LRATD1: variants seen among roughly 807,000 people sequenced by gnomAD.
LRATD1 encodes LRAT domain containing 1.
A neutral mutation model predicts 21.3 loss-of-function variants in LRATD1; 8 were observed. The ratio of observed to expected loss-of-function variants is 0.38; its 90% CI spans 0.22 to 0.68. The LOEUF (loss-of-function observed/expected upper bound fraction) is 0.68. LRATD1 is among the 30% of genes least tolerant of loss of function. The pLI, the probability that LRATD1 is intolerant of heterozygous loss-of-function variation, is 0.54. For missense variants in LRATD1, 380 were observed against 404.0 expected (o/e 0.94, Z 0.51); for synonymous variants, 210 against 186.2 (o/e 1.13, Z -1.04).
At chr2:14,649,536 T>C in intron 5 of LRATD1, 1 of 370,950 alleles carries the variant, frequency 2.7e-6, no homozygotes, top group Non-Finnish European at 5.4e-6. Flanking sequence ...CTCTTGCGTG[T>C]AGCCTATATC....
chr2:14,642,652 C>T (rs963587704), downstream of LRATD1, among the ~76,000 whole-genome samples: 6 of 11,492 alleles, frequency 5.2e-4, no homozygotes, highest in Admixed American at 1.1e-3. Context: ...TGTATGGGGT[C>T]GGGGGGTGGG....
intron 4 of LRATD1, chr2:14,649,310 T>C (rs1047860945): frequency 6.6e-6 from 3 of 456,614 alleles, no homozygotes; most frequent in Non-Finnish European, 1.3e-5. Context: ...TTCTTGTGCC[T>C]AGCAGAATTT....
chr2:14,642,442 C>A (rs1671822935), downstream of LRATD1, among the ~76,000 whole-genome samples: 1 of 152,058 alleles, frequency 6.6e-6, no homozygotes, highest in Admixed American at 6.6e-5. Context: ...TTCAAAGGCA[C>A]CTGAGGTTTG....
chr2:14,641,499 A>T (rs1459501203), downstream of LRATD1, among the ~76,000 whole-genome samples: 1 of 152,030 alleles, frequency 6.6e-6, no homozygotes, highest in African/African-American at 2.4e-5. Context: ...CCCAATCTGG[A>T]TTGTCACTTT....
At position 14,633,396 on chromosome 2, in the gene LRATD1, C is replaced by A. The variant is rs1671600003; in HGVS notation, c.-37+459C>A. ...GTATACCAGGCTGCCAGTGTCTGGA[C>A]TCCCAAGTGTCCAAAATGTTGCTGG... On this transcript the variant is annotated intron_variant, in intron 1 of 1. Transcript: ENST00000295092. The surrounding 1 kb of genome is among the most constrained non-coding windows in gnomAD (Gnocchi z 7.5). Among the ~76,000 whole-genome samples, 1 of 152,220 alleles carries A rather than the reference C, an allele frequency of 6.6e-6. No homozygotes were observed. The highest frequency in any genetic ancestry group is 2.1e-4 in the South Asian group (1 of 4,838).
intron 4 of LRATD1, among the ~76,000 whole-genome samples, chr2:14,647,227 A>T (rs941087015): frequency 4.6e-5 from 7 of 152,194 alleles, no homozygotes; most frequent in Non-Finnish European, 1.0e-4. Context: ...ATTTTCTTTT[A>T]TCACTGAGAT....
chr2:14,649,397 C>T (rs2103414973), exon 5 of LRATD1: 1 of 456,310 alleles, frequency 2.2e-6, no homozygotes, highest in Non-Finnish European at 4.4e-6. Context: ...AACTGGACCC[C>T]CTCGACCTGG....
downstream of LRATD1, among the ~76,000 whole-genome samples, chr2:14,643,094 G>A (rs987621181): frequency 4.6e-5 from 7 of 152,188 alleles, no homozygotes; most frequent in Non-Finnish European, 1.0e-4. Context: ...CAGGTAAATA[G>A]AGGTTCTGGT....
intron 2 of LRATD1, among the ~76,000 whole-genome samples, chr2:14,645,066 A>C (rs116663240): frequency 1.7e-3 from 263 of 152,298 alleles, no homozygotes; most frequent in Non-Finnish European, 2.6e-3. Flanking sequence ...CAAAACAGAA[A>C]ACCTGTTAAC....
Position 14,633,808 on chromosome 2 carries a change from C to T in LRATD1, c.-36-136C>T, listed in dbSNP as rs1321284505. The T allele has an allele frequency of 2.3e-6, 2 of 876,216 alleles. No individual in the cohort carries two copies. Among genetic ancestry groups the T allele is most frequent in the African/African-American group, 1.7e-5 (1 of 58,712 alleles). The allele number at this position is 876,216 out of a possible 1,614,324, so 54.3% of individuals were successfully genotyped here. ...TACCCCTGGGGAGGCACGGAGGACTCGGCTGGAAAGGGTGACTCCGGTGAG... is the reference window on the plus strand; with the variant it reads ...TACCCCTGGGGAGGCACGGAGGACTTGGCTGGAAAGGGTGACTCCGGTGAG... On this transcript the variant is annotated intron_variant, in intron 1 of 1. Transcript: ENST00000295092. The surrounding 1 kb of genome is among the most constrained non-coding windows in gnomAD (Gnocchi z 7.5).
In LRATD1 at chr2:14,635,175, GA is replaced by G. The variant is rs574037469; in HGVS notation, c.*320del. The G allele has an allele frequency of 4.4e-3, 2,817 of 645,020 alleles. 14 individuals are homozygous for G. The highest frequency in any genetic ancestry group is 0.016 in the Admixed American group (773 of 47,556). 40.0% of individuals were successfully genotyped at this position (645,020 alleles called of 1,614,324 possible). ...GGGAACGGGGAAGGGGCTGAGGGGAGAAAGGACATGGCCTTCCCCGCGAGTC... is the reference window on the plus strand; with the variant it reads ...GGGAACGGGGAAGGGGCTGAGGGGAGAAGGACATGGCCTTCCCCGCGAGTC... On this transcript the variant is annotated 3_prime_UTR_variant, in exon 2 of 2. Coordinates refer to ENST00000295092, the MANE Select transcript of LRATD1 (RefSeq NM_145175.4).
intron 4 of LRATD1, among the ~76,000 whole-genome samples, chr2:14,647,474 T>G (rs1671914761): frequency 6.6e-6 from 1 of 152,096 alleles, no homozygotes; most frequent in Non-Finnish European, 1.5e-5. Flanking sequence ...CTACTTGCTG[T>G]GGACTCAATA....
chr2:14,635,013 C>T lies in LRATD1; in HGVS notation c.*155C>T. 9.3e-7 allele frequency: 1 copy of T among 1,075,364 alleles called. No homozygotes were observed. Among genetic ancestry groups the T allele is most frequent in the African/African-American group, 1.6e-5 (1 of 63,682 alleles). 66.6% of individuals were successfully genotyped at this position (1,075,364 alleles called of 1,614,324 possible). On this transcript the variant is annotated 3_prime_UTR_variant, in exon 2 of 2. Coordinates refer to ENST00000295092, the MANE Select transcript of LRATD1 (RefSeq NM_145175.4). Reference sequence around the variant, plus strand: ...CCGGGCCCGGGCTGCACCCCCGCATCCCCAAGCCAGCGGCAGGAAGTCTCA... The same window carrying T: ...CCGGGCCCGGGCTGCACCCCCGCATTCCCAAGCCAGCGGCAGGAAGTCTCA...
chr2:14,642,050 G>A (rs1039249114), downstream of LRATD1: 10 of 152,400 alleles, frequency 6.6e-5, no homozygotes, highest in African/African-American at 2.4e-4. Context: ...CTAAATTAGA[G>A]TCTATTCACT....
At chr2:14,642,181 A>C (rs1190201855), downstream of LRATD1, 1 of 152,694 alleles carries the variant, frequency 6.5e-6, no homozygotes, top group Non-Finnish European at 1.5e-5. Flanking sequence ...CTTAAGAATC[A>C]TACAGTAGAA....
rs1393855164 is a variant in LRATD1 at position 14,633,367 on chromosome 2, A to C, written c.-37+430A>C. 6.6e-6 allele frequency among the ~76,000 whole-genome samples: 1 copy of C among 152,192 alleles called. No homozygotes were observed. Among genetic ancestry groups the C allele is most frequent in the African/African-American group, 2.4e-5 (1 of 41,444 alleles). The stretch of plus-strand genomic sequence containing the variant: ...GTCATTGTGGGTGTATGTGACATAC[A>C]CCAGTATACCAGGCTGCCAGTGTCT... On this transcript the variant is annotated intron_variant, in intron 1 of 1. Coordinates refer to ENST00000295092, the MANE Select transcript of LRATD1 (RefSeq NM_145175.4). This position sits in a 1 kb window ranked among gnomAD's most constrained non-coding sequence, Gnocchi z 7.5.
Position 14,633,629 on chromosome 2 carries a change from A to G in LRATD1, c.-36-315A>G. ...CTGGGTGTCCGTCTCCCACACTGCC[A>G]CAGCCAGCACTCTCCTCCCCACCGG... On this transcript the variant is annotated intron_variant, in intron 1 of 1. Transcript: ENST00000295092. This position sits in a 1 kb window ranked among gnomAD's most constrained non-coding sequence, Gnocchi z 7.5. The G allele has an allele frequency of 3.7e-6, 1 of 267,828 alleles. No individual in the cohort carries two copies. The highest frequency in any genetic ancestry group is 8.9e-5 in the South Asian group (1 of 11,174). 16.6% of individuals were successfully genotyped at this position (267,828 alleles called of 1,614,324 possible). A position where few individuals can be genotyped will look rare whatever the true frequency, so the allele number is the denominator to read the frequency against.
chr2:14,640,689 T>A (rs1327822852), downstream of LRATD1, among the ~76,000 whole-genome samples: 1 of 152,216 alleles, frequency 6.6e-6, no homozygotes, highest in Non-Finnish European at 1.5e-5. Context: ...ATTTTCCCTG[T>A]GACAGCCCTG....
chr2:14,647,746 G>A (rs1314020668), intron 4 of LRATD1, among the ~76,000 whole-genome samples: 1 of 152,048 alleles, frequency 6.6e-6, no homozygotes, highest in Non-Finnish European at 1.5e-5. Flanking sequence ...CAGATTTTCA[G>A]CCTCCAGAAC....
Sources: gnomAD v4.1 joint callset for allele counts (sites outside exome capture counted in the v4.1 genomes callset) on GRCh38, gnomAD v4.1.1 for gene constraint, Gnocchi (gnomAD v3.1) non-coding constraint, MANE v1.5 for transcripts, NCBI Gene and HGNC (gene_info 2026-07-23, HGNC 2026-07-21) for gene names.